Variants in LDB3 observed in about 807,000 individuals in gnomAD.
The protein encoded by LDB3 is LIM domain binding 3.
In LDB3, 49 loss-of-function variants were observed where a neutral mutation model predicts 69.0. The observed-to-expected ratio is 0.71, with a 90% CI of 0.56 to 0.90. The LOEUF (loss-of-function observed/expected upper bound fraction) is 0.90. Ranked by LOEUF, LDB3 falls within the 40% of genes least tolerant of loss-of-function variation. The pLI, the probability that LDB3 is intolerant of heterozygous loss-of-function variation, is 0.00. For synonymous variants in LDB3, 387 were observed against 396.2 expected (o/e 0.98, Z 0.28); for missense variants, 928 against 974.1 (o/e 0.95, Z 0.63).
intron 7 of LDB3, among the ~76,000 whole-genome samples, chr10:86,695,808 G>A (rs548984941): frequency 6.6e-6 from 1 of 152,304 alleles, no homozygotes; most frequent in East Asian, 1.9e-4. Context: ...ATAGGGGTGG[G>A]GACAAGGCAG....
chr10:86,675,237 G>A (rs1365342857), intron 2 of LDB3, among the ~76,000 whole-genome samples: 1 of 152,244 alleles, frequency 6.6e-6, no homozygotes, highest in African/African-American at 2.4e-5. Context: ...TCTAGGTGAG[G>A]GGAAGTGAGG....
chr10:86,701,477 T>C (rs1846261514), intron 7 of LDB3, among the ~76,000 whole-genome samples: 1 of 152,170 alleles, frequency 6.6e-6, no homozygotes, highest in Non-Finnish European at 1.5e-5. Context: ...CTGGGTTCCA[T>C]GTAAACCCCT....
intron 13 of LDB3, chr10:86,732,669 A>C: frequency 7.7e-6 from 4 of 522,180 alleles, no homozygotes; most frequent in African/African-American, 1.9e-5. Flanking sequence ...GCCCCTGGCT[A>C]ATTTTTGTAT....
At chr10:86,689,535 T>A (rs1845660865) in intron 5 of LDB3, among the ~76,000 whole-genome samples, 1 of 152,234 alleles carries the variant, frequency 6.6e-6, no homozygotes. Flanking sequence ...AGGCCCAGGC[T>A]GGGGGTGCAT....
intron 7 of LDB3, among the ~76,000 whole-genome samples, chr10:86,693,683 A>G (rs1452202797): frequency 1.3e-5 from 2 of 152,220 alleles, no homozygotes; most frequent in East Asian, 1.9e-4. Context: ...CCTGCAGGGC[A>G]TCTAGAGAGT....
intron 5 of LDB3, among the ~76,000 whole-genome samples, chr10:86,682,162 A>G (rs1043096369): frequency 2.0e-5 from 3 of 152,232 alleles, no homozygotes; most frequent in Non-Finnish European, 2.9e-5. Flanking sequence ...AGGACAGCAC[A>G]GCCTGCAGCC....
At chr10:86,688,050 C>CGTGTGT (rs71487273) in intron 5 of LDB3, among the ~76,000 whole-genome samples, 18,925 of 102,806 alleles carry the variant, frequency 0.18, 2,150 homozygotes, top group Non-Finnish European at 0.22. Context: ...CCCCGACCCT[C>CGTGTGT]GTGTGTGTGT....
At chr10:86,681,339 C>T (rs887533507) in intron 4 of LDB3, 97 bp from the exon 5 acceptor site, 5 of 1,563,516 alleles carry the variant, frequency 3.2e-6, no homozygotes, top group South Asian at 1.1e-5. Context: ...GGGGCTCGCG[C>T]TAACACATCT....
At chr10:86,682,813 G>A (rs1189928274) in intron 5 of LDB3, among the ~76,000 whole-genome samples, 1 of 152,190 alleles carries the variant, frequency 6.6e-6, no homozygotes, top group African/African-American at 2.4e-5. Flanking sequence ...ACTGCCTGGA[G>A]CCACCCAGAA....
intron 7 of LDB3, among the ~76,000 whole-genome samples, chr10:86,695,360 G>A (rs375219321): frequency 1.6e-4 from 25 of 152,260 alleles, no homozygotes; most frequent in East Asian, 9.6e-4. Flanking sequence ...TTCTCCTCTC[G>A]GGTCCTGGCT....
rs1846155575 is a variant in LDB3 at position 86,699,341 on chromosome 10, C to G, written c.896+6770C>G. The G allele has an allele frequency of 6.8e-6, 11 of 1,613,932 alleles. No homozygotes were observed. In the East Asian group the frequency reaches 2.5e-4, roughly 36 times the overall value. On this transcript the variant is annotated intron_variant, in intron 7 of 13. Coordinates refer to ENST00000361373, the MANE Select transcript of LDB3 (RefSeq NM_007078.3). The surrounding 1 kb of genome is among the most constrained non-coding windows in gnomAD (Gnocchi z 4.9). ...CCAAATTGCGCAACTGGCACCATGG[C>G]CTTTCAGCCCAAATCCTTAATGTTA... is the stretch of plus-strand genomic sequence containing the variant.
chr10:86,668,299 C>T (rs1181887434), upstream of LDB3: 1 of 336,930 alleles, frequency 3.0e-6, no homozygotes, highest in Non-Finnish European at 5.8e-6. Context: ...AGCAAGGAGA[C>T]CAGAGCATTC....
chr10:86,714,967 TACTCAC>T (rs972143840), intron 9 of LDB3, among the ~76,000 whole-genome samples: 5 of 152,000 alleles, frequency 3.3e-5, no homozygotes, highest in Non-Finnish European at 5.9e-5. Flanking sequence ...ACCTGGTCCC[TACTCAC>T]CCCCAGCACA....
chr10:86,708,224 T>C (rs1466651645), intron 8 of LDB3, among the ~76,000 whole-genome samples: 2 of 152,130 alleles, frequency 1.3e-5, no homozygotes, highest in Non-Finnish European at 2.9e-5. Context: ...TGGGTGGAGC[T>C]TGGAGAGGGG....
intron 12 of LDB3, among the ~76,000 whole-genome samples, chr10:86,723,573 G>T (rs1013186087): frequency 6.6e-6 from 1 of 152,184 alleles, no homozygotes; most frequent in East Asian, 1.9e-4. Context: ...GAAAGAAGTC[G>T]TAAGTGGGTG....
rs768251789 is a variant in LDB3, at chr10:86,681,510, C to T, written c.396C>T (p.Thr132=). ...CTGAGGCGAGGGCCAGCCCAGGCAC[C>T]CCAGGCACCCCGGAGCTCAGGCCCA... ...PSPEARASPG[T]PGTPELRPTF... is the part of the protein sequence containing the mutation. Residue 132 remains threonine, a synonymous_variant, in exon 5 of 14, where the codon ACC becomes ACT. Coordinates refer to ENST00000361373, the MANE Select transcript of LDB3 (RefSeq NM_007078.3). The T allele has an allele frequency of 5.0e-6, 8 of 1,611,488 alleles. No homozygotes were observed. In the Admixed American group the frequency reaches 1.0e-4, roughly 20 times the overall value.
chr10:86,711,929 G>C (rs1306984876), intron 9 of LDB3, among the ~76,000 whole-genome samples: 2 of 152,030 alleles, frequency 1.3e-5, no homozygotes, highest in Non-Finnish European at 2.9e-5. Flanking sequence ...GTGCGATAGG[G>C]GACTTTTGAA....
At chr10:86,720,657 T>C (rs77473545) in intron 12 of LDB3, among the ~76,000 whole-genome samples, 2,998 of 152,340 alleles carry the variant, frequency 0.02, 96 homozygotes, top group African/African-American at 0.068. Flanking sequence ...GTTATGCTTA[T>C]ACAACTTGCT....
At chr10:86,718,617 C>G (rs1846962047) in intron 11 of LDB3, 110 bp from the exon 12 acceptor site, 1 of 1,456,024 alleles carries the variant, frequency 6.9e-7, no homozygotes, top group South Asian at 1.1e-5. Context: ...ATCCTGAGAT[C>G]TCCTGCCCTG....
Sources: allele counts gnomAD v4.1 joint callset (sites outside exome capture counted in the v4.1 genomes callset), GRCh38; gene constraint gnomAD v4.1.1; non-coding constraint Gnocchi (gnomAD v3.1); transcripts MANE v1.5; gene names NCBI Gene and HGNC (gene_info 2026-07-23, HGNC 2026-07-21).